Variants in MINDY4B observed in about 807,000 individuals in gnomAD.
MINDY4B encodes inactive ubiquitin carboxyl-terminal hydrolase MINDY-4B.
MINDY4B carries 25 observed loss-of-function variants against 16.7 expected under a neutral mutation model. The observed-to-expected ratio is 1.49, with a 90% CI of 1.09 to 2.09. The LOEUF (loss-of-function observed/expected upper bound fraction) is 2.09. Ranked by LOEUF, MINDY4B falls within the 30% of genes most tolerant of loss-of-function variation. The pLI is 0.00. For missense variants in MINDY4B, 327 were observed against 168.4 expected (o/e 1.94, Z -5.21); for synonymous variants, 132 against 61.9 (o/e 2.13, Z -5.32).
intron 7 of MINDY4B, among the ~76,000 whole-genome samples, chr3:150,888,239 T>A (rs1054293553): frequency 1.3e-5 from 2 of 152,154 alleles, no homozygotes; most frequent in African/African-American, 4.8e-5. Flanking sequence ...CAGCTTCCAT[T>A]ATCACATGGT....
chr3:150,891,025 T>A lies in MINDY4B; in HGVS notation c.600A>T (p.Ala200=), dbSNP rs1397543271. 1 of 702,880 alleles carries A rather than the reference T, an allele frequency of 1.4e-6. No individual in the cohort carries two copies. The highest frequency in any genetic ancestry group is 1.5e-5 in the South Asian group (1 of 67,602). The allele number at this position is 702,880 out of a possible 1,614,324, so 43.5% of individuals were successfully genotyped here. Residue 200 remains alanine (A), a synonymous_variant, in exon 6 of 12, where the codon GCA becomes GCT. Coordinates refer to ENST00000465419, the MANE Select transcript of MINDY4B (RefSeq NM_001351281.2). ...CAAGACAGATGGTGGCCTTCTGAGC[T>A]GCTCCTGCAGCCCACAGGATGCCAG... ...ALAGILWAAG[A]AQKATICLVT...
Position 150,883,020 on chromosome 3 carries a change from G to A in MINDY4B, c.936C>T (p.Pro312=), listed in dbSNP as rs1711546549. The change falls in exon 10 of 12, where the codon CCC becomes CCT. Residue 312 remains proline (P), a synonymous_variant. Coordinates refer to ENST00000465419, the MANE Select transcript of MINDY4B (RefSeq NM_001351281.2). ...LNMILTGRAS[P]NVFNGCEEGK... ...CTTCCTCACAGCCATTGAAGACATT[G>A]GGACTTGCTCTTCCAGTTAAAATCA... 1.4e-6 allele frequency: 1 copy of A among 702,270 alleles called. No homozygotes were observed. The highest frequency in any genetic ancestry group is 2.6e-6 in the Non-Finnish European group (1 of 384,602). 43.5% of individuals were successfully genotyped at this position (702,270 alleles called of 1,614,324 possible). A position where few individuals can be genotyped will look rare whatever the true frequency, so the allele number is the denominator to read the frequency against.
intron 11 of MINDY4B, among the ~76,000 whole-genome samples, chr3:150,871,974 G>A (rs1716984180): frequency 6.6e-6 from 1 of 152,196 alleles, no homozygotes; most frequent in Non-Finnish European, 1.5e-5. Context: ...TCTCATATTA[G>A]CCAGGTGACA....
In MINDY4B at chr3:150,882,342, C is replaced by T. The variant is rs534246271; in HGVS notation, c.1059+555G>A. ...TTCTGGTTGTCAGAAGTTATAAAAC[C>T]CCTGAGCTGGAAAGCTTTTTGACAG... On this transcript the variant is annotated intron_variant, in intron 10 of 11. Coordinates refer to ENST00000465419, the MANE Select transcript of MINDY4B (RefSeq NM_001351281.2). 2.6e-5 allele frequency among the ~76,000 whole-genome samples: 4 copies of T among 152,144 alleles called. No individual in the cohort carries two copies. The South Asian group carries it at 8.3e-4, about 32-fold the overall frequency.
At chr3:150,887,835 G>A (rs530942908) in intron 7 of MINDY4B, among the ~76,000 whole-genome samples, 35 of 152,194 alleles carry the variant, frequency 2.3e-4, no homozygotes, top group Admixed American at 4.6e-4. Context: ...ATTGCCAGGC[G>A]CGGTGGCTCA....
chr3:150,892,334 C>A (rs1447042566), intron 5 of MINDY4B, among the ~76,000 whole-genome samples: 6 of 152,200 alleles, frequency 3.9e-5, no homozygotes, highest in Non-Finnish European at 7.3e-5. Flanking sequence ...GTCCTGCTTC[C>A]CTCACTCCCT....
At chr3:150,877,498 T>G (rs1711498516) in intron 10 of MINDY4B, among the ~76,000 whole-genome samples, 1 of 152,170 alleles carries the variant, frequency 6.6e-6, no homozygotes, top group African/African-American at 2.4e-5. Flanking sequence ...GCACTGTGTT[T>G]CAGTTCTATG....
chr3:150,897,836 GAC>G (rs1312541516), intron 3 of MINDY4B, among the ~76,000 whole-genome samples: 3 of 152,208 alleles, frequency 2.0e-5, no homozygotes, highest in Non-Finnish European at 2.9e-5. Context: ...TGCTCTGGAA[GAC>G]ACAGACTTGG....
At chr3:150,874,893 C>T (rs1398609699) in intron 10 of MINDY4B, among the ~76,000 whole-genome samples, 1 of 152,164 alleles carries the variant, frequency 6.6e-6, no homozygotes, top group Admixed American at 6.5e-5. Context: ...GTAAGTGTTT[C>T]ACTTTTAGCT....
chr3:150,885,295 C>T, intron 8 of MINDY4B, 73 bp downstream of exon 8: 1 of 665,726 alleles, frequency 1.5e-6, no homozygotes, highest in Non-Finnish European at 2.7e-6. Context: ...GGAGATTTTT[C>T]AATACAAGAG....
At chr3:150,877,764 A>G (rs1163542117) in intron 10 of MINDY4B, among the ~76,000 whole-genome samples, 2 of 152,188 alleles carry the variant, frequency 1.3e-5, no homozygotes, top group Non-Finnish European at 2.9e-5. Context: ...ATTTGCTACC[A>G]TTTAAATGTT....
At chr3:150,894,405 C>T in intron 3 of MINDY4B, 100 bp from the exon 4 acceptor site, 1 of 586,480 alleles carries the variant, frequency 1.7e-6, no homozygotes, top group Non-Finnish European at 3.0e-6. Flanking sequence ...GGGCCTCGTT[C>T]CCTTCTACAT....
intron 5 of MINDY4B, among the ~76,000 whole-genome samples, chr3:150,891,368 T>C (rs1711799773): frequency 6.6e-6 from 1 of 152,216 alleles, no homozygotes; most frequent in East Asian, 1.9e-4. Flanking sequence ...ACATTTAACA[T>C]TGAGAACTAT....
intron 3 of MINDY4B, among the ~76,000 whole-genome samples, chr3:150,896,690 A>G (rs529432420): frequency 6.4e-4 from 97 of 152,308 alleles, no homozygotes; most frequent in African/African-American, 2.2e-3. Context: ...GCTCCTGGCC[A>G]GTACTGAGGG....
intron 3 of MINDY4B, among the ~76,000 whole-genome samples, chr3:150,896,204 C>A (rs1159108333): frequency 6.6e-6 from 1 of 152,052 alleles, no homozygotes; most frequent in Non-Finnish European, 1.5e-5. Flanking sequence ...GAAGTGTGTC[C>A]ACTGTTTCTT....
intron 7 of MINDY4B, among the ~76,000 whole-genome samples, chr3:150,889,593 A>G (rs1345969545): frequency 1.5e-5 from 2 of 134,674 alleles, no homozygotes; most frequent in African/African-American, 5.8e-5. Flanking sequence ...TCCTCTGCCT[A>G]TCACACAAGT....
intron 7 of MINDY4B, among the ~76,000 whole-genome samples, chr3:150,885,829 G>C (rs1188125178): frequency 6.6e-6 from 1 of 152,086 alleles, no homozygotes; most frequent in Non-Finnish European, 1.5e-5. Flanking sequence ...TTAAACTGAG[G>C]GAGATCAGAG....
intron 5 of MINDY4B, 123 bp from the exon 6 acceptor site, chr3:150,891,226 C>A: frequency 1.6e-6 from 1 of 612,980 alleles, no homozygotes; most frequent in East Asian, 2.8e-5. Flanking sequence ...TTACACCCAG[C>A]TCACCTGGCT....
intron 3 of MINDY4B, among the ~76,000 whole-genome samples, chr3:150,900,904 T>C (rs1466366378): frequency 6.6e-6 from 1 of 152,210 alleles, no homozygotes; most frequent in Non-Finnish European, 1.5e-5. Context: ...TTAAAATTTG[T>C]GTGTGTGTTT....
Sources: gnomAD v4.1 joint callset for allele counts (sites outside exome capture counted in the v4.1 genomes callset) on GRCh38, gnomAD v4.1.1 for gene constraint, MANE v1.5 for transcripts, NCBI Gene and HGNC (gene_info 2026-07-23, HGNC 2026-07-21) for gene names.